PTDSS1: variants seen among roughly 807,000 people sequenced by gnomAD.
The protein encoded by PTDSS1 is PSS-1.
A neutral mutation model predicts 70.5 loss-of-function variants in PTDSS1; 45 were observed. The ratio of observed to expected loss-of-function variants is 0.64; its 90% CI spans 0.50 to 0.82. PTDSS1 has a LOEUF of 0.82. Among genes scored for constraint, PTDSS1 ranks in the 40% least tolerant of loss-of-function variants. The pLI is 0.00. For missense variants in PTDSS1, 417 were observed against 586.1 expected (o/e 0.71, Z 2.98); for synonymous variants, 188 against 203.8 (o/e 0.92, Z 0.66).
chr8:96,298,597 T>A (rs1353650685), intron 5 of PTDSS1, among the ~76,000 whole-genome samples: 1 of 152,178 alleles, frequency 6.6e-6, no homozygotes, highest in African/African-American at 2.4e-5. Context: ...GTCATTCTTG[T>A]CCTTAACGTT....
At chr8:96,271,851 C>T (rs377026269) in intron 1 of PTDSS1, among the ~76,000 whole-genome samples, 1 of 152,234 alleles carries the variant, frequency 6.6e-6, no homozygotes, top group East Asian at 1.9e-4. Flanking sequence ...CCTTCATATC[C>T]TTTGCCCGTT....
intron 12 of PTDSS1, among the ~76,000 whole-genome samples, chr8:96,331,857 T>C (rs1554587078): frequency 6.6e-6 from 1 of 151,928 alleles, no homozygotes; most frequent in Non-Finnish European, 1.5e-5. Flanking sequence ...GAGACCAGCA[T>C]GGGCAACAGA....
chr8:96,281,517 T>C (rs1001124013), intron 2 of PTDSS1, among the ~76,000 whole-genome samples: 4 of 152,198 alleles, frequency 2.6e-5, no homozygotes, highest in African/African-American at 9.7e-5. Flanking sequence ...TCTCTAGAGC[T>C]ATCAGTTCCC....
At chr8:96,289,449 A>G (rs1201172395) in intron 4 of PTDSS1, among the ~76,000 whole-genome samples, 3 of 152,228 alleles carry the variant, frequency 2.0e-5, no homozygotes, top group African/African-American at 4.8e-5. Context: ...AAGAACAGAT[A>G]TTAGAACAAA....
intron 10 of PTDSS1, among the ~76,000 whole-genome samples, chr8:96,326,738 G>T (rs753777951): frequency 6.6e-6 from 1 of 152,228 alleles, no homozygotes; most frequent in East Asian, 1.9e-4. Flanking sequence ...TCTGATCTGT[G>T]TCTCATGGGG....
At chr8:96,310,601 G>T (rs1811197125) in intron 9 of PTDSS1, among the ~76,000 whole-genome samples, 1 of 151,756 alleles carries the variant, frequency 6.6e-6, no homozygotes, top group Non-Finnish European at 1.5e-5. Flanking sequence ...CTTGAGTTTG[G>T]AATGCCATCC....
At chr8:96,329,871 A>G (rs1477705175) in intron 10 of PTDSS1, among the ~76,000 whole-genome samples, 1 of 152,178 alleles carries the variant, frequency 6.6e-6, no homozygotes, top group Non-Finnish European at 1.5e-5. Flanking sequence ...GACCCTGAAA[A>G]TCAGAACTAG....
intron 2 of PTDSS1, among the ~76,000 whole-genome samples, chr8:96,283,315 C>T (rs892200883): frequency 1.3e-5 from 2 of 152,182 alleles, no homozygotes; most frequent in Admixed American, 6.5e-5. Context: ...GTGGGTAGAC[C>T]TGCATAGAAC....
At chr8:96,283,747 A>C in intron 2 of PTDSS1, 1 of 193,970 alleles carries the variant, frequency 5.2e-6, no homozygotes, top group East Asian at 1.5e-4. Flanking sequence ...GGCAGCTGGG[A>C]CATTTTACTT....
chr8:96,280,964 G>C (rs1479995943), intron 2 of PTDSS1, among the ~76,000 whole-genome samples: 1 of 152,186 alleles, frequency 6.6e-6, no homozygotes, highest in East Asian at 1.9e-4. Flanking sequence ...AAGGCATTGA[G>C]ATGACATGAA....
In PTDSS1 at chr8:96,295,263, A is replaced by G. The variant is rs1810959059; in HGVS notation, c.600+7A>G. ...TACCTGGGAGCTGACTGAGGTAAGA[A>G]GGAGGGCATTGGGGGTTCCCCAGAC... On this transcript the variant is annotated splice_region_variant and intron_variant, in intron 5 of 12. Transcript: ENST00000517309. 6.2e-7 allele frequency: 1 copy of G among 1,612,304 alleles called. No homozygotes were observed. The highest frequency in any genetic ancestry group is 1.7e-5 in the Admixed American group (1 of 59,758).
intron 12 of PTDSS1, among the ~76,000 whole-genome samples, chr8:96,332,017 TAAAAAAAAAAAAAAAAA>T (rs59720395): frequency 4.7e-5 from 3 of 63,820 alleles, no homozygotes; most frequent in East Asian, 6.0e-4. Context: ...CCCTGCCTCT[TAAAAAAAAAAAAAAAAA>T]AAAAAAAAAA....
intron 2 of PTDSS1, among the ~76,000 whole-genome samples, 191 bp downstream of exon 2, chr8:96,273,581 A>G (rs1810597579): frequency 6.6e-6 from 1 of 152,246 alleles, no homozygotes; most frequent in Non-Finnish European, 1.5e-5. Flanking sequence ...AAGAGTGCTG[A>G]GAATACTTCA....
In PTDSS1 at chr8:96,330,281, G is replaced by T. The variant is rs1297875969; in HGVS notation, c.1242G>T (p.Lys414Asn). The change falls in exon 11 of 13, where the codon AAG (lysine) becomes AAT (asparagine). Residue 414 changes from lysine to asparagine, a missense_variant and splice_region_variant. Lys to Asn is a moderately conservative substitution (Grantham distance 94). This residue lies in a region of PTDSS1 where 107 missense variants were observed against 122.3 expected (regional missense o/e 0.88). Transcript: ENST00000517309. ...CAGAACACTATGGTCACCGAGAAAA[G>T]GTATGGAAGGAGAGGCAGGCATGGC... The part of the protein sequence containing the change: ...WYAEHYGHRE[K>N]TYSECEDGTY... 1 of 1,608,350 alleles carries T rather than the reference G, an allele frequency of 6.2e-7. No individual in the cohort carries two copies. Among genetic ancestry groups the T allele is most frequent in the Admixed American group, 1.7e-5 (1 of 60,006 alleles).
intron 8 of PTDSS1, among the ~76,000 whole-genome samples, chr8:96,308,001 A>C (rs996880031): frequency 6.6e-6 from 1 of 152,190 alleles, no homozygotes; most frequent in African/African-American, 2.4e-5. Flanking sequence ...TGTTTGAGGC[A>C]GTTCCCATGT....
intron 1 of PTDSS1, among the ~76,000 whole-genome samples, chr8:96,271,224 C>T (rs1229836352): frequency 6.6e-6 from 1 of 152,204 alleles, no homozygotes; most frequent in East Asian, 1.9e-4. Context: ...CCTGTGCAAG[C>T]ATAAGCATAA....
chr8:96,314,102 G>A (rs1318185892), intron 9 of PTDSS1, among the ~76,000 whole-genome samples: 2 of 151,808 alleles, frequency 1.3e-5, no homozygotes, highest in Non-Finnish European at 2.9e-5. Context: ...GGAGTTGAGT[G>A]GCAGTGATCA....
intron 2 of PTDSS1, among the ~76,000 whole-genome samples, chr8:96,283,122 AG>A (rs1319905934): frequency 6.6e-6 from 1 of 152,196 alleles, no homozygotes. Flanking sequence ...ACAGAGAGAG[AG>A]GAGAGCTGTA....
At chr8:96,315,161 C>T (rs1393538523) in intron 9 of PTDSS1, among the ~76,000 whole-genome samples, 1 of 152,232 alleles carries the variant, frequency 6.6e-6, no homozygotes, top group East Asian at 1.9e-4. Context: ...GAACTAGAAG[C>T]TCACTCCTGA....
Sources: gnomAD v4.1 joint callset for allele counts (sites outside exome capture counted in the v4.1 genomes callset) on GRCh38, gnomAD v4.1.1 for gene constraint, gnomAD v4.1.1 regional missense constraint, MANE v1.5 for transcripts, NCBI Gene and HGNC (gene_info 2026-07-23, HGNC 2026-07-21) for gene names.